TPM1: variants seen among roughly 807,000 people sequenced by gnomAD.
TPM1 encodes the protein tropomyosin 1, also known as tropomyosin alpha-1 chain.
In TPM1, 24 loss-of-function variants were observed where a neutral mutation model predicts 42.9. The observed-to-expected ratio is 0.56, with a 90% CI of 0.41 to 0.79. The LOEUF is 0.79. Among genes scored for constraint, TPM1 ranks in the 30% least tolerant of loss-of-function variants. The pLI, the probability that TPM1 is intolerant of heterozygous loss-of-function variation, is 0.00. For missense variants in TPM1, 158 were observed against 351.8 expected, an observed-to-expected ratio of 0.45 and a Z score of 4.41; for synonymous variants, 136 against 130.1, an observed-to-expected ratio of 1.05 and a Z score of -0.31.
chr15:63,048,130 C>G (rs1183659388), intron 2 of TPM1: 1 of 431,592 alleles, frequency 2.3e-6, no homozygotes, highest in African/African-American at 2.1e-5. Flanking sequence ...GGAGCGCTCC[C>G]GCGGCCAGCA....
At chr15:63,051,381 G>A (rs963586252) in intron 2 of TPM1, among the ~76,000 whole-genome samples, 4 of 152,130 alleles carry the variant, frequency 2.6e-5, no homozygotes, top group East Asian at 1.9e-4. Context: ...CTCGATTTCC[G>A]CTTTCATATG....
At chr15:63,069,003 A>G (rs1005205829), downstream of TPM1, among the ~76,000 whole-genome samples, 1 of 146,244 alleles carries the variant, frequency 6.8e-6, no homozygotes, top group African/African-American at 2.5e-5. Flanking sequence ...TACAAAAAAA[A>G]TTAGCCAGGC....
downstream of TPM1, chr15:63,069,900 G>A (rs730881128): frequency 7.4e-5 from 119 of 1,613,912 alleles, no homozygotes; most frequent in Admixed American, 1.9e-3. Flanking sequence ...GAGCAAAATC[G>A]CCGCCTCACT....
At chr15:63,059,835 C>T (rs553566440) in intron 4 of TPM1, 155 bp downstream of exon 4, 40 of 559,928 alleles carry the variant, frequency 7.1e-5, no homozygotes, top group Non-Finnish European at 1.2e-4. Flanking sequence ...GTCCAGAAAA[C>T]GGTTCTAATT....
intron 3 of TPM1, 28 bp downstream of exon 3, chr15:63,057,146 G>A: frequency 1.2e-6 from 2 of 1,613,478 alleles, no homozygotes. Flanking sequence ...GCCATCTTTT[G>A]CAGCTGCCTT....
chr15:63,068,405 C>G (rs762611467), downstream of TPM1, among the ~76,000 whole-genome samples: 1 of 152,148 alleles, frequency 6.6e-6, no homozygotes, highest in Non-Finnish European at 1.5e-5. Context: ...TGTGGATGAG[C>G]AAAGAGGACA....
At chr15:63,061,502 T>C in intron 5 of TPM1, 7 of 719,214 alleles carry the variant, frequency 9.7e-6, no homozygotes, top group Middle Eastern at 3.1e-4. Flanking sequence ...TCAAAGTTGT[T>C]GGATTTGGTC....
At chr15:63,070,846 T>C, downstream of TPM1, 1 of 1,299,526 alleles carries the variant, frequency 7.7e-7, no homozygotes, top group Middle Eastern at 2.3e-4. Flanking sequence ...TTATCCTCAG[T>C]GAATTGTTGG....
At chr15:63,052,801 A>G (rs1171798092) in intron 2 of TPM1, among the ~76,000 whole-genome samples, 1 of 152,206 alleles carries the variant, frequency 6.6e-6, no homozygotes, top group Non-Finnish European at 1.5e-5. Context: ...AAAAGCTAGT[A>G]AAGGTGAGAG....
chr15:63,042,995 C>A (rs1157221789), intron 1 of TPM1, 52 bp downstream of exon 1: 1 of 1,493,028 alleles, frequency 6.7e-7, no homozygotes. Context: ...GGACTCGAGC[C>A]TGGCACCCCC....
chr15:63,058,520 A>T (rs2035131257), intron 3 of TPM1, among the ~76,000 whole-genome samples: 1 of 152,166 alleles, frequency 6.6e-6, no homozygotes, highest in African/African-American at 2.4e-5. Context: ...CAGCCTGGCT[A>T]ACGTGGCATA....
chr15:63,049,797 T>C (rs11071720), intron 2 of TPM1, among the ~76,000 whole-genome samples: 90,169 of 152,040 alleles, frequency 0.59, 27,913 homozygotes, highest in Admixed American at 0.71. Flanking sequence ...AGGAAATTAA[T>C]AGGCAAAAGA....
downstream of TPM1, among the ~76,000 whole-genome samples, chr15:63,068,730 C>T (rs1187789467): frequency 2.6e-5 from 4 of 152,254 alleles, no homozygotes; most frequent in Admixed American, 2.0e-4. Flanking sequence ...TGTTTTCCCC[C>T]GTAAGCAGAT....
At chr15:63,046,148 T>A (rs2032332916) in intron 2 of TPM1, 1 of 152,246 alleles carries the variant, frequency 6.6e-6, no homozygotes, top group South Asian at 2.1e-4. Context: ...TTGTACAGTG[T>A]GTTACTGTAC....
chr15:63,048,402 G>A (rs2032940136), intron 2 of TPM1: 5 of 1,357,822 alleles, frequency 3.7e-6, no homozygotes, highest in South Asian at 3.4e-5. Context: ...GCGCAGCCCT[G>A]GAGGCTGCGA....
intron 2 of TPM1, among the ~76,000 whole-genome samples, chr15:63,050,125 A>G (rs2033541564): frequency 6.6e-6 from 1 of 152,226 alleles, no homozygotes; most frequent in Non-Finnish European, 1.5e-5. Context: ...CAGTACACTG[A>G]TGCTTGGCGC....
chr15:63,068,800 G>C (rs564364267), downstream of TPM1, among the ~76,000 whole-genome samples: 1 of 152,100 alleles, frequency 6.6e-6, no homozygotes. Context: ...TGCAAGTTTC[G>C]TTCATTTTAT....
rs73431512 is a variant in TPM1 at position 63,050,257 on chromosome 15, A to G, written c.240+6105A>G. On this transcript the variant is annotated intron_variant, in intron 2 of 9. Transcript: ENST00000403994. ...TTAAAGATGGCCTGCTCATTTCATG[A>G]CATCATAAAACACTTCATTTACTGC... is the stretch of plus-strand genomic sequence containing the variant. Among the ~76,000 whole-genome samples the G allele has an allele frequency of 2.9e-3, 438 of 152,334 alleles. 3 individuals are homozygous for G. The highest frequency in any genetic ancestry group is 0.01 in the African/African-American group (418 of 41,580).
chr15:63,069,219 T>C (rs1360720424), downstream of TPM1, among the ~76,000 whole-genome samples: 1 of 152,196 alleles, frequency 6.6e-6, no homozygotes, highest in African/African-American at 2.4e-5. Context: ...GCTTGTTCTT[T>C]TGCTGTTTGA....
Sources: gnomAD v4.1 joint callset for allele counts (sites outside exome capture counted in the v4.1 genomes callset) on GRCh38, gnomAD v4.1.1 for gene constraint, MANE v1.5 for transcripts, NCBI Gene and HGNC (gene_info 2026-07-23, HGNC 2026-07-21) for gene names.